Variants in PCDH15 observed in about 807,000 individuals in gnomAD.
PCDH15 encodes protocadherin-15.
A neutral mutation model predicts 178.5 loss-of-function variants in PCDH15; 129 were observed. The observed-to-expected ratio is 0.72, with a 90% CI of 0.63 to 0.84. The LOEUF is 0.84. Ranked by LOEUF, PCDH15 falls within the 40% of genes least tolerant of loss-of-function variation. The probability of loss-of-function intolerance (pLI) is 0.00; values close to 1 mark genes in which losing one functional copy is unlikely to be tolerated. For synonymous variants in PCDH15, 800 were observed against 732.0 expected (o/e 1.09, Z -1.50); for missense variants, 2,230 against 2,099.9 (o/e 1.06, Z -1.21).
At chr10:53,823,511 T>TATGGC in intron 32 of PCDH15, 1 of 813,034 alleles carries the variant, frequency 1.2e-6, no homozygotes, top group Non-Finnish European at 2.2e-6. Context: ...ATTATTTTAA[T>TATGGC]TCCCTGCTCT....
At chr10:55,242,136 A>G (rs1418999555) in intron 1 of PCDH15, among the ~76,000 whole-genome samples, 5 of 152,216 alleles carry the variant, frequency 3.3e-5, no homozygotes, top group East Asian at 1.9e-4. Flanking sequence ...TGAAATTTTA[A>G]TAAGTCCAAC....
At chr10:54,582,441 G>A (rs1306505796) in intron 2 of PCDH15, among the ~76,000 whole-genome samples, 2 of 152,080 alleles carry the variant, frequency 1.3e-5, no homozygotes, top group Non-Finnish European at 2.9e-5. Context: ...GAATCTATAT[G>A]TTGGTCAGGT....
At chr10:55,609,229 G>T (rs191124464) in intron 2 of PCDH15, among the ~76,000 whole-genome samples, 190 of 152,106 alleles carry the variant, frequency 1.2e-3, no homozygotes, top group Non-Finnish European at 2.0e-3. Flanking sequence ...TCAGATAAGT[G>T]TAACCAATCT....
At chr10:54,645,331 G>GAA (rs1317347218) in intron 2 of PCDH15, among the ~76,000 whole-genome samples, 1 of 151,920 alleles carries the variant, frequency 6.6e-6, no homozygotes, top group Non-Finnish European at 1.5e-5. Flanking sequence ...GAGAGAGAGA[G>GAA]AAATGGTAAA....
intron 2 of PCDH15, among the ~76,000 whole-genome samples, chr10:54,900,049 C>T (rs1954615545): frequency 1.3e-5 from 2 of 151,974 alleles, no homozygotes; most frequent in Non-Finnish European, 2.9e-5. Flanking sequence ...ACATATACAC[C>T]CACAAAAGAT....
At chr10:53,889,235 A>G (rs1407151756) in intron 26 of PCDH15, among the ~76,000 whole-genome samples, 1 of 152,100 alleles carries the variant, frequency 6.6e-6, no homozygotes, top group Non-Finnish European at 1.5e-5. Context: ...GTTTCTGCTC[A>G]TGAAAAAGCA....
intron 6 of PCDH15, among the ~76,000 whole-genome samples, chr10:54,331,766 C>T (rs1215017480): frequency 6.6e-6 from 1 of 152,030 alleles, no homozygotes; most frequent in Non-Finnish European, 1.5e-5. Context: ...TCTCTGGACT[C>T]AGAACCCCAA....
At chr10:54,351,773 C>T (rs762523548) in intron 5 of PCDH15, among the ~76,000 whole-genome samples, 2 of 151,960 alleles carry the variant, frequency 1.3e-5, no homozygotes, top group Non-Finnish European at 2.9e-5. Context: ...TTTTTGCTTC[C>T]ATGAAGAAAA....
At chr10:54,022,758 A>G (rs1247109562) in intron 19 of PCDH15, 134 bp downstream of exon 19, 2 of 900,468 alleles carry the variant, frequency 2.2e-6, no homozygotes, top group South Asian at 1.5e-5. Context: ...AATAATAAAA[A>G]TTTATTCATT....
At chr10:54,549,930 T>C (rs1305171459) in intron 2 of PCDH15, among the ~76,000 whole-genome samples, 2 of 152,112 alleles carry the variant, frequency 1.3e-5, no homozygotes, top group East Asian at 3.9e-4. Context: ...AGTGGCCTTC[T>C]TTATAGCTAG....
intron 3 of PCDH15, among the ~76,000 whole-genome samples, chr10:54,836,689 A>G (rs1366268145): frequency 2.0e-5 from 3 of 152,138 alleles, no homozygotes; most frequent in Non-Finnish European, 4.4e-5. Context: ...TTTAATATGA[A>G]TAAACTAAAT....
At chr10:55,428,336 C>A (rs1565128909) in intron 2 of PCDH15, among the ~76,000 whole-genome samples, 1 of 151,784 alleles carries the variant, frequency 6.6e-6, no homozygotes, top group African/African-American at 2.4e-5. Context: ...TTTTGCATCT[C>A]TGTCAGTATG....
chr10:54,317,494 G>A (rs1306895970), intron 7 of PCDH15, 53 bp from the exon 8 acceptor site: 2 of 1,596,668 alleles, frequency 1.3e-6, no homozygotes, highest in Admixed American at 3.3e-5. Context: ...AGGCACAATA[G>A]CCAGGAGCAG....
intron 23 of PCDH15, among the ~76,000 whole-genome samples, chr10:53,943,599 T>C (rs2086267873): frequency 6.6e-6 from 1 of 152,164 alleles, no homozygotes; most frequent in South Asian, 2.1e-4. Context: ...ACAATTAGGA[T>C]AGAAATAATA....
At chr10:54,419,317 T>G (rs1748043726) in intron 3 of PCDH15, among the ~76,000 whole-genome samples, 1 of 151,988 alleles carries the variant, frequency 6.6e-6, no homozygotes, top group Non-Finnish European at 1.5e-5. Context: ...TAAGCAGTAT[T>G]TTGTCCAACA....
chr10:54,484,476 T>A (rs2078954176), intron 3 of PCDH15, among the ~76,000 whole-genome samples: 1 of 151,910 alleles, frequency 6.6e-6, no homozygotes, highest in South Asian at 2.1e-4. Context: ...AAAATACTGT[T>A]CACATTAATT....
chr10:54,588,812 G>A (rs1457214502), intron 2 of PCDH15, among the ~76,000 whole-genome samples: 1 of 152,078 alleles, frequency 6.6e-6, no homozygotes, highest in Non-Finnish European at 1.5e-5. Context: ...GGGCTCAAGC[G>A]ATTCTCCCAC....
At chr10:55,616,061 A>T (rs982067610) in intron 2 of PCDH15, among the ~76,000 whole-genome samples, 1 of 152,208 alleles carries the variant, frequency 6.6e-6, no homozygotes, top group African/African-American at 2.4e-5. Flanking sequence ...TGCTGTATCT[A>T]AGTGGGACAA....
chr10:54,731,587 CACACACAT>C (rs1943409955), intron 1 of PCDH15, among the ~76,000 whole-genome samples: 1 of 115,162 alleles, frequency 8.7e-6, no homozygotes, highest in African/African-American at 3.1e-5. Flanking sequence ...CACACACACA[CACACACAT>C]ATATATATAG....
Sources: allele counts gnomAD v4.1 joint callset (sites outside exome capture counted in the v4.1 genomes callset), GRCh38; gene constraint gnomAD v4.1.1; transcripts MANE v1.5; gene names NCBI Gene and HGNC (gene_info 2026-07-23, HGNC 2026-07-21).